The following CPNE4 variants were observed in gnomAD, a reference collection of about 807,000 sequenced individuals.
The protein encoded by CPNE4 is copine-4.
A neutral mutation model predicts 67.9 loss-of-function variants in CPNE4; 25 were observed. That is an observed-to-expected ratio of 0.37 (90% CI 0.27 to 0.51). The LOEUF is 0.51. Among genes scored for constraint, CPNE4 ranks in the 20% least tolerant of loss-of-function variants. The pLI is 0.93. For missense variants in CPNE4, 464 were observed against 690.8 expected (o/e 0.67, Z 3.68); for synonymous variants, 242 against 244.9 (o/e 0.99, Z 0.11).
intron 13 of CPNE4, 129 bp from the exon 14 acceptor site, chr3:131,550,209 G>A: frequency 1.1e-6 from 1 of 910,472 alleles, no homozygotes; most frequent in South Asian, 2.2e-5. Context: ...ATGTTCTTAA[G>A]ATAAAAAGGA....
chr3:131,799,917 TGTTGTGTGTG>T (rs1560339139), intron 2 of CPNE4, among the ~76,000 whole-genome samples: 3 of 55,634 alleles, frequency 5.4e-5, no homozygotes, highest in Non-Finnish European at 6.7e-5. Context: ...TGTGTGTGTG[TGTTGTGTGTG>T]TGTGTGTGTG....
intron 4 of CPNE4, among the ~76,000 whole-genome samples, chr3:131,697,012 G>C (rs1385615327): frequency 6.6e-6 from 1 of 152,114 alleles, no homozygotes; most frequent in Non-Finnish European, 1.5e-5. Context: ...TTTTGAGTGA[G>C]ACCAACAAGA....
intron 2 of CPNE4, among the ~76,000 whole-genome samples, chr3:131,880,419 T>C (rs2087630302): frequency 6.6e-6 from 1 of 152,262 alleles, no homozygotes; most frequent in East Asian, 1.9e-4. Flanking sequence ...CGGCGGCATA[T>C]GGTAGATATT....
chr3:131,880,746 A>G (rs2087642831), intron 2 of CPNE4, among the ~76,000 whole-genome samples: 1 of 152,222 alleles, frequency 6.6e-6, no homozygotes, highest in Admixed American at 6.5e-5. Flanking sequence ...TTGGGGTTAA[A>G]TTGAAGAGAA....
At chr3:131,791,053 T>C (rs2083705909) in intron 2 of CPNE4, among the ~76,000 whole-genome samples, 1 of 152,174 alleles carries the variant, frequency 6.6e-6, no homozygotes, top group Non-Finnish European at 1.5e-5. Context: ...ATAGTCTACA[T>C]TTTGATGATT....
At chr3:131,667,681 C>G (rs188973992) in intron 7 of CPNE4, among the ~76,000 whole-genome samples, 27 of 151,358 alleles carry the variant, frequency 1.8e-4, no homozygotes, top group Admixed American at 9.2e-4. Flanking sequence ...CTTTCTTTCT[C>G]TCCTCTATCA....
chr3:131,574,782 C>T (rs1481506349), intron 10 of CPNE4, among the ~76,000 whole-genome samples: 1 of 152,076 alleles, frequency 6.6e-6, no homozygotes, highest in Non-Finnish European at 1.5e-5. Context: ...CTGCTTCATG[C>T]CTCACATAGT....
At chr3:131,934,001 T>TGA (rs1269648236) in intron 1 of CPNE4, among the ~76,000 whole-genome samples, 2 of 152,052 alleles carry the variant, frequency 1.3e-5, no homozygotes, top group Non-Finnish European at 2.9e-5. Context: ...GAATAGAACA[T>TGA]GAGAGAGATG....
chr3:131,689,067 G>T (rs549562051), intron 5 of CPNE4, among the ~76,000 whole-genome samples: 1 of 152,160 alleles, frequency 6.6e-6, no homozygotes, highest in Non-Finnish European at 1.5e-5. Flanking sequence ...GGTCAAGAAT[G>T]GCCTCTGTCT....
chr3:131,717,921 T>TCTTTC (rs1553758948), intron 3 of CPNE4, among the ~76,000 whole-genome samples: 54 of 146,604 alleles, frequency 3.7e-4, no homozygotes, highest in Admixed American at 1.2e-3. Flanking sequence ...TTTCTTTCTT[T>TCTTTC]CTTTCTTTCT....
chr3:131,849,626 G>A (rs915777303), intron 2 of CPNE4, among the ~76,000 whole-genome samples: 3 of 152,066 alleles, frequency 2.0e-5, no homozygotes, highest in African/African-American at 7.2e-5. Context: ...AAATCCAAAC[G>A]ATATCAGAAG....
intron 7 of CPNE4, among the ~76,000 whole-genome samples, chr3:131,616,988 T>C (rs567925629): frequency 4.5e-4 from 68 of 152,264 alleles, no homozygotes; most frequent in Non-Finnish European, 8.2e-4. Flanking sequence ...AGCTGTAACA[T>C]AGGCTAGAGG....
At chr3:131,547,455 C>CAAAAAA (rs56412825) in intron 14 of CPNE4, among the ~76,000 whole-genome samples, 384 of 36,544 alleles carry the variant, frequency 0.011, 192 homozygotes, top group East Asian at 0.031. Flanking sequence ...GACCCTGTCG[C>CAAAAAA]AAAAAAAAAA....
chr3:131,888,679 C>T (rs2087993570), intron 2 of CPNE4, among the ~76,000 whole-genome samples: 1 of 152,124 alleles, frequency 6.6e-6, no homozygotes, highest in African/African-American at 2.4e-5. Context: ...TATGGCTTCT[C>T]TGAGATTTCG....
intron 2 of CPNE4, among the ~76,000 whole-genome samples, chr3:131,856,472 G>A (rs1304614196): frequency 1.3e-5 from 2 of 151,886 alleles, no homozygotes; most frequent in African/African-American, 4.8e-5. Context: ...AATGAGCCAG[G>A]AAATCAAATA....
chr3:132,022,471 A>G (rs1207393121), intron 1 of CPNE4, among the ~76,000 whole-genome samples: 1 of 152,186 alleles, frequency 6.6e-6, no homozygotes, highest in Non-Finnish European at 1.5e-5. Flanking sequence ...GTTGCATAAA[A>G]AAACAGGTAC....
chr3:131,950,669 C>A (rs1222549225), intron 1 of CPNE4, among the ~76,000 whole-genome samples: 1 of 152,124 alleles, frequency 6.6e-6, no homozygotes, highest in Non-Finnish European at 1.5e-5. Flanking sequence ...CTGTGAATAA[C>A]GAGGACCGAC....
At chr3:131,891,402 A>C (rs1410587888) in intron 2 of CPNE4, among the ~76,000 whole-genome samples, 2 of 151,524 alleles carry the variant, frequency 1.3e-5, no homozygotes. Flanking sequence ...ACATTAATCA[A>C]AACTCATCAA....
chr3:131,782,946 G>A (rs2083464024), intron 2 of CPNE4, among the ~76,000 whole-genome samples: 1 of 152,012 alleles, frequency 6.6e-6, no homozygotes, highest in African/African-American at 2.4e-5. Context: ...ACTCTTGAGA[G>A]GGGCTCAGTT....
Sources: gnomAD v4.1 joint callset for allele counts (sites outside exome capture counted in the v4.1 genomes callset) on GRCh38, gnomAD v4.1.1 for gene constraint, MANE v1.5 for transcripts, NCBI Gene and HGNC (gene_info 2026-07-23, HGNC 2026-07-21) for gene names.